DLEC1: variants seen among roughly 807,000 people sequenced by gnomAD.
The protein encoded by DLEC1 is deleted in lung and esophageal cancer protein 1.
Under a neutral mutation model 198.1 loss-of-function variants are expected in DLEC1, and 146 were observed. That is an observed-to-expected ratio of 0.74 (90% CI 0.64 to 0.85). The LOEUF (loss-of-function observed/expected upper bound fraction) is 0.85. Ranked by LOEUF, DLEC1 falls within the 40% of genes least tolerant of loss-of-function variation. The pLI is 0.00. For synonymous variants in DLEC1, 897 were observed against 866.8 expected, an observed-to-expected ratio of 1.03 and a Z score of -0.61; for missense variants, 2,233 against 2,220.0, an observed-to-expected ratio of 1.01 and a Z score of -0.12.
chr3:38,114,524 C>G, intron 26 of DLEC1, 64 bp downstream of exon 26: 1 of 1,527,134 alleles, frequency 6.5e-7, no homozygotes, highest in Non-Finnish European at 9.1e-7. Flanking sequence ...GGCCTCCGGG[C>G]TGGGCTGCCC....
intron 1 of DLEC1, among the ~76,000 whole-genome samples, chr3:38,043,954 CTGT>C (rs1559388941): frequency 7.0e-6 from 1 of 143,506 alleles, no homozygotes; most frequent in African/African-American, 2.4e-5. Flanking sequence ...CCTACATAAA[CTGT>C]TTTTTTTTTT....
intron 19 of DLEC1, among the ~76,000 whole-genome samples, chr3:38,101,054 C>T (rs1028870059): frequency 2.6e-5 from 4 of 152,162 alleles, no homozygotes; most frequent in African/African-American, 9.7e-5. Flanking sequence ...TAATAAACCT[C>T]CACATACTCT....
rs896488157 is a variant in DLEC1, at chr3:38,110,366, A to G, written c.3443+85A>G. 3 of 1,517,440 alleles carry G rather than the reference A, an allele frequency of 2.0e-6. No individual in the cohort carries two copies. The African/African-American group carries it at 4.1e-5, about 21-fold the overall frequency. The allele number at this position is 1,517,440 out of a possible 1,614,324, so 94.0% of individuals were successfully genotyped here. On this transcript the variant is annotated intron_variant, in intron 23 of 36. Transcript: ENST00000308059. ...GAGCCTCTGTGTGGCTTAGGTGGCC[A>G]GTGGCTGGTCGGTGTGAGAGATGGG...
chr3:38,094,842 G>C, intron 12 of DLEC1, 37 bp from the exon 13 acceptor site: 1 of 1,604,416 alleles, frequency 6.2e-7, no homozygotes, highest in Non-Finnish European at 8.5e-7. Context: ...GGTCCCAGCA[G>C]AACTGGGACA....
intron 8 of DLEC1, 88 bp downstream of exon 8, chr3:38,085,535 C>T: frequency 6.6e-7 from 1 of 1,509,744 alleles, no homozygotes; most frequent in Admixed American, 1.9e-5. Context: ...CCCTTTGTAT[C>T]AGCACACAGC....
chr3:38,098,850 A>T (rs1241962060), intron 18 of DLEC1, among the ~76,000 whole-genome samples: 1 of 152,162 alleles, frequency 6.6e-6, no homozygotes, highest in African/African-American at 2.4e-5. Context: ...CCTAGAAGTT[A>T]TGACAGTGTG....
chr3:38,094,565 C>G (rs568682505), intron 12 of DLEC1, among the ~76,000 whole-genome samples: 2 of 152,222 alleles, frequency 1.3e-5, no homozygotes, highest in Non-Finnish European at 2.9e-5. Context: ...TGTATAGCCT[C>G]TTCCACTTTA....
intron 6 of DLEC1, 89 bp from the exon 7 acceptor site, chr3:38,084,069 C>A: frequency 7.7e-7 from 1 of 1,301,318 alleles, no homozygotes; most frequent in Non-Finnish European, 1.1e-6. Context: ...TACCTCTACC[C>A]CCTTCTCATA....
At chr3:38,078,132 T>G (rs1454045226) in intron 6 of DLEC1, among the ~76,000 whole-genome samples, 3 of 151,994 alleles carry the variant, frequency 2.0e-5, no homozygotes, top group Non-Finnish European at 2.9e-5. Flanking sequence ...GTCAGGTGTG[T>G]TATCAGGAAT....
intron 13 of DLEC1, 59 bp downstream of exon 13, chr3:38,095,130 A>C: frequency 6.3e-7 from 1 of 1,578,884 alleles, no homozygotes; most frequent in East Asian, 2.3e-5. Flanking sequence ...TAGACCCCCC[A>C]CCTGTGTTCC....
intron 13 of DLEC1, chr3:38,095,366 A>C: frequency 2.4e-6 from 1 of 420,694 alleles, no homozygotes; most frequent in Non-Finnish European, 4.4e-6. Flanking sequence ...TACCATCCCC[A>C]CCCATACCAC....
At chr3:38,068,215 CTTCAT>C (rs1697133942) in intron 6 of DLEC1, among the ~76,000 whole-genome samples, 1 of 148,252 alleles carries the variant, frequency 6.7e-6, no homozygotes, top group Non-Finnish European at 1.5e-5. Context: ...GATATGTAGA[CTTCAT>C]TTCTTTTTTT....
chr3:38,118,116 C>T, intron 33 of DLEC1, 92 bp downstream of exon 33: 1 of 1,412,410 alleles, frequency 7.1e-7, no homozygotes, highest in Non-Finnish European at 9.6e-7. Flanking sequence ...GGTGCTTGTA[C>T]CCAGACGCAA....
intron 7 of DLEC1, among the ~76,000 whole-genome samples, chr3:38,084,555 GTA>G (rs1575172023): frequency 3.4e-5 from 5 of 148,464 alleles, no homozygotes; most frequent in Admixed American, 1.3e-4. Context: ...AGTAGTGGTA[GTA>G]GTAGTGGTAG....
In DLEC1 at chr3:38,084,250, G is replaced by C. The variant is rs747159011; in HGVS notation, c.1261+5G>C. The C allele has an allele frequency of 6.2e-7, 1 of 1,610,712 alleles. No individual in the cohort carries two copies. Among genetic ancestry groups the C allele is most frequent in the African/African-American group, 1.3e-5 (1 of 74,578 alleles). ...CATACTTCGCTCTGGGACTGGGTAA[G>C]TTCAGTATTTGTAAGTTCATTAGTA... On this transcript the variant is annotated splice_donor_5th_base_variant and intron_variant, in intron 7 of 36. Transcript: ENST00000308059.
At chr3:38,053,652 G>A (rs1290884451) in intron 2 of DLEC1, among the ~76,000 whole-genome samples, 1 of 151,538 alleles carries the variant, frequency 6.6e-6, no homozygotes, top group Non-Finnish European at 1.5e-5. Flanking sequence ...CTTCTGGGAA[G>A]TGAGGAGCCC....
chr3:38,041,092 G>C lies in DLEC1; in HGVS notation c.411+1456G>C, dbSNP rs191339816. Among the ~76,000 whole-genome samples, 13 of 152,156 alleles carry C rather than the reference G, an allele frequency of 8.5e-5. No homozygotes were observed. In the East Asian group the frequency reaches 2.5e-3, roughly 29 times the overall value. The stretch of plus-strand genomic sequence containing the variant: ...ATGGCGCAATCTCAGCTCACTGCAA[G>C]CTCCACCTCCCACATTCATGCCATT... On this transcript the variant is annotated intron_variant, in intron 1 of 36. Transcript: ENST00000308059.
At chr3:38,098,674 C>T (rs2125701307) in intron 18 of DLEC1, among the ~76,000 whole-genome samples, 1 of 152,170 alleles carries the variant, frequency 6.6e-6, no homozygotes, top group South Asian at 2.1e-4. Context: ...CAGAACACCG[C>T]ACACTTTTCC....
intron 34 of DLEC1, 73 bp downstream of exon 34, chr3:38,120,682 A>C: frequency 6.3e-7 from 1 of 1,588,122 alleles, no homozygotes; most frequent in Non-Finnish European, 8.6e-7. Flanking sequence ...GGGCCAGAGG[A>C]GGAAAGACCT....
Sources: allele counts gnomAD v4.1 joint callset (sites outside exome capture counted in the v4.1 genomes callset), GRCh38; gene constraint gnomAD v4.1.1; transcripts MANE v1.5; gene names NCBI Gene and HGNC (gene_info 2026-07-23, HGNC 2026-07-21).